The following IGHMBP2 variants were observed in gnomAD, a reference collection of about 807,000 sequenced individuals.
IGHMBP2 encodes DNA-binding protein SMUBP-2.
A neutral mutation model predicts 96.0 loss-of-function variants in IGHMBP2; 81 were observed. The observed-to-expected ratio is 0.84, with a 90% CI of 0.71 to 1.01. The LOEUF is 1.01. Among genes scored for constraint, IGHMBP2 ranks in the 50% least tolerant of loss-of-function variants. IGHMBP2 has a pLI of 0.00. For missense variants in IGHMBP2, 1,227 were observed against 1,306.3 expected, an observed-to-expected ratio of 0.94 and a Z score of 0.94; for synonymous variants, 557 against 548.9, an observed-to-expected ratio of 1.01 and a Z score of -0.21.
At chr11:68,932,930 G>T (rs1342222909) in intron 8 of IGHMBP2, 5 of 321,094 alleles carry the variant, frequency 1.6e-5, no homozygotes, top group Non-Finnish European at 2.4e-5. Context: ...TATGAAGCCA[G>T]CCGTGTTACG....
intron 1 of IGHMBP2, among the ~76,000 whole-genome samples, chr11:68,905,190 G>A (rs188057052): frequency 1.0e-3 from 153 of 152,344 alleles, no homozygotes; most frequent in Non-Finnish European, 1.9e-3. Flanking sequence ...AGTGTAGCCC[G>A]ATTTGCTGTC....
chr11:68,937,341 G>A (rs954659465), intron 13 of IGHMBP2, among the ~76,000 whole-genome samples: 9 of 152,108 alleles, frequency 5.9e-5, no homozygotes, highest in Non-Finnish European at 2.9e-5. Context: ...AGCACTCAGA[G>A]CATGTCTGCA....
chr11:68,909,513 G>A (rs946582252), intron 4 of IGHMBP2, among the ~76,000 whole-genome samples: 2 of 151,750 alleles, frequency 1.3e-5, no homozygotes, highest in African/African-American at 4.8e-5. Flanking sequence ...TCTTTTTAGT[G>A]TATATAAATC....
chr11:68,939,322 G>A (rs1435939008), intron 14 of IGHMBP2, among the ~76,000 whole-genome samples: 1 of 152,160 alleles, frequency 6.6e-6, no homozygotes, highest in Non-Finnish European at 1.5e-5. Context: ...GCCATTTCCT[G>A]TGTGCACACT....
In IGHMBP2 at chr11:68,908,239, C is replaced by T. The variant is rs1858280736; in HGVS notation, c.351C>T (p.Ala117=). 2 of 1,614,050 alleles carry T rather than the reference C, an allele frequency of 1.2e-6. No individual in the cohort carries two copies. Among genetic ancestry groups the T allele is most frequent in the Non-Finnish European group, 1.7e-6 (2 of 1,179,996 alleles). The change falls in exon 3 of 15, where the codon GCC becomes GCT. Residue 117 remains alanine (A), a synonymous_variant. Transcript: ENST00000255078. ...TCACCCAGAAGTCGGTCACGGTGGCCTTTGATGAGTCCCACGATTTCCAGT... is the reference window on the plus strand; with the variant it reads ...TCACCCAGAAGTCGGTCACGGTGGCTTTTGATGAGTCCCACGATTTCCAGT... ...TRVTQKSVTV[A]FDESHDFQLS... is the part of the protein sequence containing the mutation.
At chr11:68,918,878 A>G (rs1462086584) in intron 7 of IGHMBP2, among the ~76,000 whole-genome samples, 1 of 151,986 alleles carries the variant, frequency 6.6e-6, no homozygotes, top group South Asian at 2.1e-4. Flanking sequence ...TGTTTCATGT[A>G]TTTCCACATT....
rs1859546820 is a variant in IGHMBP2 at position 68,936,708 on chromosome 11, A to G, written c.2228A>G (p.Gln743Arg). The change falls in exon 13 of 15, where the codon CAG becomes CGG. Residue 743 changes from glutamine (Q) to arginine (R), a missense_variant. Physicochemically the swap from Gln to Arg is conservative, Grantham distance 43. Around this residue, in one of 3 missense-constraint regions of IGHMBP2, gnomAD observed 703 missense variants for 770.3 expected, o/e 0.91. Coordinates refer to ENST00000255078, the MANE Select transcript of IGHMBP2 (RefSeq NM_002180.3). ...GAGTTCATGGCCAGCAAGAAGATGC[A>G]GTTGGAGTTTCCTCCTTCCCTCAAT... ...IVEFMASKKM[Q>R]LEFPPSLNSH... The G allele has an allele frequency of 6.2e-7, 1 of 1,614,094 alleles. No homozygotes were observed. The highest frequency in any genetic ancestry group is 1.3e-5 in the African/African-American group (1 of 75,070).
chr11:68,934,832 C>T (rs2154008732), intron 11 of IGHMBP2, among the ~76,000 whole-genome samples: 1 of 152,372 alleles, frequency 6.6e-6, no homozygotes, highest in East Asian at 1.9e-4. Flanking sequence ...CCGGCAGCCT[C>T]AGGCTGACAC....
chr11:68,928,982 A>T (rs1594444994), intron 7 of IGHMBP2, among the ~76,000 whole-genome samples: 1 of 152,228 alleles, frequency 6.6e-6, no homozygotes, highest in African/African-American at 2.4e-5. Context: ...CAGAGTACCC[A>T]CTGCTTAAGA....
At chr11:68,910,031 A>G (rs1281999693) in intron 4 of IGHMBP2, among the ~76,000 whole-genome samples, 9 of 152,198 alleles carry the variant, frequency 5.9e-5, no homozygotes, top group African/African-American at 1.9e-4. Flanking sequence ...CAGTCCTGTG[A>G]GTATTGGACT....
chr11:68,938,702 A>G (rs1438507532), intron 14 of IGHMBP2, among the ~76,000 whole-genome samples: 2 of 152,022 alleles, frequency 1.3e-5, no homozygotes, highest in African/African-American at 2.4e-5. Context: ...TGAGCTGGCC[A>G]TGGCCCGGCT....
At chr11:68,938,446 C>CT in intron 14 of IGHMBP2, 92 bp downstream of exon 14, 1 of 1,170,934 alleles carries the variant, frequency 8.5e-7, no homozygotes, top group Non-Finnish European at 1.2e-6. Flanking sequence ...TTGTTCCAGT[C>CT]GGAACAGTTA....
At chr11:68,921,078 A>C (rs542239857) in intron 7 of IGHMBP2, among the ~76,000 whole-genome samples, 1 of 151,776 alleles carries the variant, frequency 6.6e-6, no homozygotes, top group African/African-American at 2.4e-5. Flanking sequence ...TGTAGATAGC[A>C]TATAGCTGGG....
chr11:68,938,459 T>C, intron 14 of IGHMBP2, 105 bp downstream of exon 14: 1 of 995,424 alleles, frequency 1.0e-6, no homozygotes, highest in Admixed American at 2.4e-5. Context: ...AACAGTTAGC[T>C]CCTTACAATC....
chr11:68,904,020 C>A lies in IGHMBP2; in HGVS notation c.68C>A (p.Ala23Glu). Residue 23 changes from alanine to glutamate, a missense_variant, in exon 1 of 15, where the codon GCG becomes GAG. This residue lies in a region of IGHMBP2 where 507 missense variants were observed against 496.9 expected (regional missense o/e 1.02). Coordinates refer to ENST00000255078, the MANE Select transcript of IGHMBP2 (RefSeq NM_002180.3). The part of the protein sequence containing the change: ...QLDLLELERD[A>E]EVEERRSWQE... ...GACCTGCTGGAGCTTGAGAGAGACG[C>A]GGAGGTGGAGGAGCGCAGGTACGGG... The A allele has an allele frequency of 6.5e-7, 1 of 1,549,804 alleles. No individual in the cohort carries two copies. Among genetic ancestry groups the A allele is most frequent in the Middle Eastern group, 1.7e-4 (1 of 5,926 alleles).
intron 7 of IGHMBP2, among the ~76,000 whole-genome samples, chr11:68,923,798 C>G (rs555487627): frequency 6.6e-6 from 1 of 152,250 alleles, no homozygotes; most frequent in East Asian, 1.9e-4. Flanking sequence ...TAGTTTTCTC[C>G]TAAGCATGTG....
rs1170021907 is a variant in IGHMBP2 at position 68,906,203 on chromosome 11, C to T, written c.221C>T (p.Ser74Phe). 3 of 1,614,064 alleles carry T rather than the reference C, an allele frequency of 1.9e-6. No individual in the cohort carries two copies. In the African/African-American group the frequency reaches 4.0e-5, roughly 22 times the overall value. ...ACCTTTGAGCCCAGGCGATACGGGTCCGCGGCAGCTCTTCCCAGTAACAGC... is the reference window on the plus strand; with the variant it reads ...ACCTTTGAGCCCAGGCGATACGGGTTCGCGGCAGCTCTTCCCAGTAACAGC... ...LVTFEPRRYG[S>F]AAALPSNSFT... Residue 74 changes from serine (S) to phenylalanine (F), a missense_variant, in exon 2 of 15, where the codon TCC becomes TTC. By Grantham distance (155) the Ser-to-Phe change is radical (BLOSUM62 -2). Transcript: ENST00000255078.
intron 7 of IGHMBP2, among the ~76,000 whole-genome samples, chr11:68,925,293 A>G (rs1156718609): frequency 6.6e-6 from 1 of 151,850 alleles, no homozygotes; most frequent in East Asian, 1.9e-4. Flanking sequence ...TTGCAGGCGC[A>G]TGCCACCAGG....
At chr11:68,934,619 G>A in intron 11 of IGHMBP2, 61 bp downstream of exon 11, 1 of 1,261,820 alleles carries the variant, frequency 7.9e-7, no homozygotes, top group African/African-American at 1.5e-5. Flanking sequence ...CCTAGAGGGT[G>A]AAAGAAAAAG....
Sources: allele counts gnomAD v4.1 joint callset (sites outside exome capture counted in the v4.1 genomes callset), GRCh38; gene constraint gnomAD v4.1.1; regional missense constraint gnomAD v4.1.1; transcripts MANE v1.5; gene names NCBI Gene and HGNC (gene_info 2026-07-23, HGNC 2026-07-21).